The following MLLT1 variants were observed in gnomAD, a reference collection of about 807,000 sequenced individuals.
MLLT1 encodes MLLT1 super elongation complex subunit.
Under a neutral mutation model 55.1 loss-of-function variants are expected in MLLT1, and 11 were observed. The ratio of observed to expected loss-of-function variants is 0.20; its 90% CI spans 0.13 to 0.33. The LOEUF (loss-of-function observed/expected upper bound fraction) is 0.33, where lower values mean the gene tolerates loss of function less well. Among genes scored for constraint, MLLT1 ranks in the 10% least tolerant of loss-of-function variants. The pLI, the probability that MLLT1 is intolerant of heterozygous loss-of-function variation, is 1.00. For missense variants in MLLT1, 536 were observed against 760.6 expected (o/e 0.70, Z 3.47); for synonymous variants, 323 against 320.1 (o/e 1.01, Z -0.10).
intron 7 of MLLT1, among the ~76,000 whole-genome samples, chr19:6,217,128 C>T (rs1025999633): frequency 6.6e-6 from 1 of 152,182 alleles, no homozygotes; most frequent in African/African-American, 2.4e-5. Context: ...CAGTAGGTCC[C>T]CCTCCCTTCC....
At position 6,212,256 on chromosome 19, in the gene MLLT1, C is replaced by A; in HGVS notation, c.*786G>T. The A allele has an allele frequency of 9.4e-7, 1 of 1,065,032 alleles. No homozygotes were observed. The highest frequency in any genetic ancestry group is 1.1e-6 in the Non-Finnish European group (1 of 879,288). 66.0% of individuals were successfully genotyped at this position (1,065,032 alleles called of 1,614,324 possible). A position where few individuals can be genotyped will look rare whatever the true frequency, so the allele number is the denominator to read the frequency against. ...TGCCCTTTGTAGTGTTGGCTGACCC[C>A]CCCGGGAGCCCCGGTAGGAGGCGGC... On this transcript the variant is annotated 3_prime_UTR_variant, in exon 12 of 12. Coordinates refer to ENST00000252674, the MANE Select transcript of MLLT1 (RefSeq NM_005934.4).
At chr19:6,260,818 C>A (rs1031891031) in intron 3 of MLLT1, among the ~76,000 whole-genome samples, 4 of 152,214 alleles carry the variant, frequency 2.6e-5, no homozygotes, top group African/African-American at 9.6e-5. Flanking sequence ...TGCGCTCCAG[C>A]CTGGGCAAAA....
Position 6,270,038 on chromosome 19 carries a change from G to A in MLLT1, c.193+541C>T, listed in dbSNP as rs1051250935. On this transcript the variant is annotated intron_variant, in intron 2 of 11. Transcript: ENST00000252674. This position sits in a 1 kb window ranked among gnomAD's most constrained non-coding sequence, Gnocchi z 7.1. ...CTGGGTGACTTCCTGCCTGTGCCCC[G>A]TCACACTGCACCCTCCAGGAAGGCC... Among the ~76,000 whole-genome samples, 2 of 152,058 alleles carry A rather than the reference G, an allele frequency of 1.3e-5. No individual in the cohort carries two copies. Among genetic ancestry groups the A allele is most frequent in the African/African-American group, 2.4e-5 (1 of 41,402 alleles).
intron 3 of MLLT1, among the ~76,000 whole-genome samples, chr19:6,252,759 A>C (rs2091227656): frequency 6.6e-6 from 1 of 152,204 alleles, no homozygotes; most frequent in Admixed American, 6.5e-5. Context: ...GAATCAATAA[A>C]ATCAAGTTTT....
intron 3 of MLLT1, among the ~76,000 whole-genome samples, chr19:6,233,008 C>T (rs531502548): frequency 6.6e-6 from 1 of 152,354 alleles, no homozygotes; most frequent in South Asian, 2.1e-4. Flanking sequence ...CAAGGCAGAG[C>T]TCTGGGCCCG....
rs1181335526 is a variant in MLLT1, at chr19:6,235,581, G to C, written c.277-4868C>G. On this transcript the variant is annotated intron_variant, in intron 3 of 11. Transcript: ENST00000252674. This position sits in a 1 kb window ranked among gnomAD's most constrained non-coding sequence, Gnocchi z 5.5. The stretch of plus-strand genomic sequence containing the variant: ...ACAGGGCACCCTGGGGCTCGGAACT[G>C]GGTCCTCTCCTCTCCACACTCCTGG... Among the ~76,000 whole-genome samples the C allele has an allele frequency of 2.0e-5, 3 of 152,102 alleles. No individual in the cohort carries two copies. Among genetic ancestry groups the C allele is most frequent in the Admixed American group, 2.0e-4 (3 of 15,280 alleles).
At chr19:6,228,178 C>T (rs2090972364) in intron 4 of MLLT1, among the ~76,000 whole-genome samples, 1 of 152,180 alleles carries the variant, frequency 6.6e-6, no homozygotes, top group Admixed American at 6.5e-5. Context: ...CCACGGGAGG[C>T]CCTCCACACT....
rs779239975 is a variant in MLLT1, at chr19:6,273,145, T to C, written c.13-2386A>G. ...CCCGTCGTCATAAGTGGCTGACAGA[T>C]ATGGGAAACGGTCTCGGAGTCAAAA... On this transcript the variant is annotated intron_variant, in intron 1 of 11. Coordinates refer to ENST00000252674, the MANE Select transcript of MLLT1 (RefSeq NM_005934.4). The surrounding 1 kb of genome is among the most constrained non-coding windows in gnomAD (Gnocchi z 4.3). Among the ~76,000 whole-genome samples, 5 of 151,574 alleles carry C rather than the reference T, an allele frequency of 3.3e-5. No homozygotes were observed. The highest frequency in any genetic ancestry group is 5.9e-5 in the Non-Finnish European group (4 of 67,896).
chr19:6,214,310 C>T (rs1347806313), intron 8 of MLLT1, among the ~76,000 whole-genome samples: 1 of 152,234 alleles, frequency 6.6e-6, no homozygotes, highest in Non-Finnish European at 1.5e-5. Context: ...ACACAAAGCC[C>T]CCCAGCCAAT....
intron 1 of MLLT1, among the ~76,000 whole-genome samples, chr19:6,278,686 A>T (rs9304931): frequency 6.6e-6 from 1 of 151,876 alleles, no homozygotes. Context: ...AGCCTAAATC[A>T]GGATCCCAGG....
At chr19:6,214,307 G>A (rs2090816815) in intron 8 of MLLT1, among the ~76,000 whole-genome samples, 1 of 152,296 alleles carries the variant, frequency 6.6e-6, no homozygotes, top group African/African-American at 2.4e-5. Context: ...GGGACACAAA[G>A]CCCCCCAGCC....
intron 3 of MLLT1, among the ~76,000 whole-genome samples, chr19:6,253,074 T>A (rs971991347): frequency 6.6e-6 from 1 of 151,560 alleles, no homozygotes; most frequent in African/African-American, 2.4e-5. Context: ...CCATCCTGGC[T>A]AACATGGTGA....
intron 3 of MLLT1, among the ~76,000 whole-genome samples, chr19:6,257,822 G>A (rs2091271129): frequency 6.6e-6 from 1 of 152,066 alleles, no homozygotes; most frequent in South Asian, 2.1e-4. Flanking sequence ...AACAAAAATG[G>A]GCAATGGATA....
intron 3 of MLLT1, chr19:6,259,615 C>T (rs1275881643): frequency 4.6e-5 from 7 of 152,132 alleles, no homozygotes; most frequent in Admixed American, 4.6e-4. Context: ...GGACCCTCTA[C>T]AACCACCCCA....
intron 3 of MLLT1, among the ~76,000 whole-genome samples, chr19:6,254,156 C>A (rs558420791): frequency 1.3e-5 from 2 of 152,152 alleles, no homozygotes; most frequent in African/African-American, 2.4e-5. Flanking sequence ...GGCAAAGGGG[C>A]TGGAAATTTA....
rs766875489 is a variant in MLLT1 at position 6,213,965 on chromosome 19, G to C, written c.1381C>G (p.Gln461Glu). Residue 461 changes from glutamine (Q) to glutamate (E), a missense_variant, in exon 9 of 12, where the codon CAG becomes GAG. This residue lies in a region of MLLT1 where 449 missense variants were observed against 489.0 expected (regional missense o/e 0.92). Coordinates refer to ENST00000252674, the MANE Select transcript of MLLT1 (RefSeq NM_005934.4). ...TTGCTGTTGGGCGGGGGTGGCTTCTGGGGGGGTGGGGGCTCACGGCTGGGC... is the reference window on the plus strand; with the variant it reads ...TTGCTGTTGGGCGGGGGTGGCTTCTCGGGGGGTGGGGGCTCACGGCTGGGC... ...SLPSREPPPP[Q>E]KPPPPNSKVS... The C allele has an allele frequency of 2.8e-6, 4 of 1,445,566 alleles. No individual in the cohort carries two copies. The highest frequency in any genetic ancestry group is 1.5e-5 in the South Asian group (1 of 64,702). 89.5% of individuals were successfully genotyped at this position (1,445,566 alleles called of 1,614,324 possible). A position where few individuals can be genotyped will look rare whatever the true frequency, so the allele number is the denominator to read the frequency against.
chr19:6,234,511 C>T (rs77885009), intron 3 of MLLT1, among the ~76,000 whole-genome samples: 11 of 152,142 alleles, frequency 7.2e-5, no homozygotes, highest in Admixed American at 2.0e-4. Context: ...TAGGTGAACC[C>T]GGAGAAGGCA....
chr19:6,270,800 C>A lies in MLLT1; in HGVS notation c.13-41G>T. On this transcript the variant is annotated intron_variant, in intron 1 of 11. Coordinates refer to ENST00000252674, the MANE Select transcript of MLLT1 (RefSeq NM_005934.4). This position sits in a 1 kb window ranked among gnomAD's most constrained non-coding sequence, Gnocchi z 7.1. ...GTGGGGAGATGAAGTCAGCACACGC[C>A]TCCAAGCAGGGGACTGTCCCCTTAC... 6.4e-7 allele frequency: 1 copy of A among 1,557,764 alleles called. No individual in the cohort carries two copies. Among genetic ancestry groups the A allele is most frequent in the Admixed American group, 1.8e-5 (1 of 54,902 alleles).
intron 5 of MLLT1, among the ~76,000 whole-genome samples, chr19:6,225,832 G>A (rs1568279177): frequency 6.6e-6 from 1 of 152,214 alleles, no homozygotes; most frequent in Non-Finnish European, 1.5e-5. Context: ...TAGGTGGCTT[G>A]AAGTGACCCG....
Sources: allele counts gnomAD v4.1 joint callset (sites outside exome capture counted in the v4.1 genomes callset), GRCh38; gene constraint gnomAD v4.1.1; regional missense constraint gnomAD v4.1.1; non-coding constraint Gnocchi (gnomAD v3.1); transcripts MANE v1.5; gene names NCBI Gene and HGNC (gene_info 2026-07-23, HGNC 2026-07-21).